The following PSTPIP2 variants were observed in gnomAD, a reference collection of about 807,000 sequenced individuals.
PSTPIP2 encodes proline-serine-threonine phosphatase-interacting protein 2.
Under a neutral mutation model 63.3 loss-of-function variants are expected in PSTPIP2, and 33 were observed. That is an observed-to-expected ratio of 0.52 (90% CI 0.40 to 0.70). The LOEUF (loss-of-function observed/expected upper bound fraction) is 0.70, where lower values mean the gene tolerates loss of function less well. PSTPIP2 is among the 30% of genes least tolerant of loss of function. The pLI is 0.00. For missense variants in PSTPIP2, 312 were observed against 400.7 expected, an observed-to-expected ratio of 0.78 and a Z score of 1.89; for synonymous variants, 125 against 132.7, an observed-to-expected ratio of 0.94 and a Z score of 0.40.
chr18:46,014,371 T>A (rs1160671386), intron 4 of PSTPIP2, among the ~76,000 whole-genome samples: 1 of 151,454 alleles, frequency 6.6e-6, no homozygotes, highest in African/African-American at 2.4e-5. Context: ...AAGAAAAGAA[T>A]AAATAAATAA....
intron 5 of PSTPIP2, among the ~76,000 whole-genome samples, chr18:46,005,805 G>A (rs1228626992): frequency 6.6e-6 from 1 of 152,174 alleles, no homozygotes; most frequent in East Asian, 1.9e-4. Context: ...AGTCTCTTCA[G>A]TAAAATCTGG....
At chr18:46,039,733 G>A (rs566877448) in intron 2 of PSTPIP2, among the ~76,000 whole-genome samples, 19 of 151,962 alleles carry the variant, frequency 1.3e-4, no homozygotes, top group Admixed American at 2.0e-4. Flanking sequence ...ACTATAATTC[G>A]TTCGCAGTTT....
At chr18:46,021,840 C>A (rs1907366787) in intron 3 of PSTPIP2, among the ~76,000 whole-genome samples, 1 of 99,744 alleles carries the variant, frequency 1.0e-5, no homozygotes, top group African/African-American at 4.5e-5. Context: ...CAAAGCGAGA[C>A]TCTGTCTCAA....
At chr18:46,022,605 A>G (rs1198299148) in intron 3 of PSTPIP2, among the ~76,000 whole-genome samples, 1 of 152,124 alleles carries the variant, frequency 6.6e-6, no homozygotes, top group African/African-American at 2.4e-5. Flanking sequence ...CTTGTTTATA[A>G]ATTATTAAAA....
chr18:46,069,579 C>A (rs1313492038), intron 1 of PSTPIP2, among the ~76,000 whole-genome samples: 1 of 152,140 alleles, frequency 6.6e-6, no homozygotes, highest in East Asian at 1.9e-4. Context: ...AGCTCCAAGC[C>A]CAGTTTTAAA....
At chr18:46,036,258 T>C (rs1447659684) in intron 2 of PSTPIP2, among the ~76,000 whole-genome samples, 6 of 147,836 alleles carry the variant, frequency 4.1e-5, no homozygotes, top group African/African-American at 1.5e-4. Context: ...ATTGTAACAA[T>C]TAATTGTTAA....
chr18:46,041,748 A>G (rs1416234827), intron 1 of PSTPIP2, among the ~76,000 whole-genome samples: 1 of 152,146 alleles, frequency 6.6e-6, no homozygotes, highest in East Asian at 1.9e-4. Context: ...CTACCCCTGA[A>G]TGCATACAAT....
At chr18:46,067,624 G>A (rs1424238194) in intron 1 of PSTPIP2, among the ~76,000 whole-genome samples, 1 of 152,162 alleles carries the variant, frequency 6.6e-6, no homozygotes, top group Non-Finnish European at 1.5e-5. Context: ...AAGTAGCTGG[G>A]TCTCTGCCAA....
chr18:45,999,529 C>T lies in PSTPIP2; in HGVS notation c.423G>A (p.Lys141=). 6.2e-7 allele frequency: 1 copy of T among 1,614,162 alleles called. No individual in the cohort carries two copies. The highest frequency in any genetic ancestry group is 8.5e-7 in the Non-Finnish European group (1 of 1,180,018). ...SLQFKKTMDA[K]KNYEQKCRDK... ...CCCGGCATTTCTGCTCATAGTTCTTCTTTGCCTTTGTCATTATGAACAAAG... is the reference window on the plus strand; with the variant it reads ...CCCGGCATTTCTGCTCATAGTTCTTTTTTGCCTTTGTCATTATGAACAAAG... The change falls in exon 7 of 15, where the codon AAG becomes AAA. Residue 141 remains lysine, a synonymous_variant. Transcript: ENST00000409746.
At position 46,024,701 on chromosome 18, in the gene PSTPIP2, G is replaced by A; in HGVS notation, c.135-15C>T. On this transcript the variant is annotated splice_polypyrimidine_tract_variant and intron_variant, in intron 2 of 14. Transcript: ENST00000409746. Reference sequence around the variant, plus strand: ...CAATTGCTGCCCTAGGGGAACAGAAGAGAGGGTTATGGGTCCTTCTCAGAG... The same window carrying A: ...CAATTGCTGCCCTAGGGGAACAGAAAAGAGGGTTATGGGTCCTTCTCAGAG... 1 of 1,607,454 alleles carries A rather than the reference G, an allele frequency of 6.2e-7. No individual in the cohort carries two copies.
intron 5 of PSTPIP2, among the ~76,000 whole-genome samples, chr18:46,010,460 C>A (rs674457): frequency 3.9e-5 from 6 of 151,912 alleles, no homozygotes; most frequent in African/African-American, 1.5e-4. Flanking sequence ...AAAAAATTCT[C>A]TAAGGACCCT....
intron 2 of PSTPIP2, among the ~76,000 whole-genome samples, chr18:46,038,142 C>A (rs534866206): frequency 1.3e-5 from 2 of 152,274 alleles, no homozygotes; most frequent in South Asian, 4.1e-4. Context: ...CTCACTGCAA[C>A]CTTGAACTCC....
chr18:46,041,843 G>A (rs928067937), intron 1 of PSTPIP2, among the ~76,000 whole-genome samples: 3 of 152,190 alleles, frequency 2.0e-5, no homozygotes, highest in Admixed American at 6.5e-5. Flanking sequence ...ACTCATCCAC[G>A]CCATCCCAGC....
At chr18:46,008,261 C>T (rs1015316415) in intron 5 of PSTPIP2, among the ~76,000 whole-genome samples, 2 of 152,038 alleles carry the variant, frequency 1.3e-5, no homozygotes, top group South Asian at 2.1e-4. Context: ...ATTGGAATAG[C>T]TGCTTCATGG....
chr18:46,002,781 C>CA (rs554109865), intron 6 of PSTPIP2, among the ~76,000 whole-genome samples: 1 of 60,304 alleles, frequency 1.7e-5, no homozygotes, highest in African/African-American at 4.2e-5. Flanking sequence ...CATTGTGAGA[C>CA]CCCCCCATCT....
intron 1 of PSTPIP2, among the ~76,000 whole-genome samples, chr18:46,051,405 G>GT (rs1273348597): frequency 5.3e-5 from 8 of 152,104 alleles, no homozygotes; most frequent in African/African-American, 1.9e-4. Context: ...AGCCCGGGAA[G>GT]TGGAGGTTGC....
At chr18:46,048,634 C>A (rs931987101) in intron 1 of PSTPIP2, among the ~76,000 whole-genome samples, 1 of 152,156 alleles carries the variant, frequency 6.6e-6, no homozygotes, top group African/African-American at 2.4e-5. Context: ...CAAATCAGGG[C>A]ACATTCTACA....
intron 2 of PSTPIP2, 34 bp downstream of exon 2, chr18:46,039,913 C>T (rs1438045063): frequency 6.4e-7 from 1 of 1,553,248 alleles, no homozygotes; most frequent in Non-Finnish European, 8.9e-7. Flanking sequence ...CATCTTGGCC[C>T]ACCCTCTTCA....
chr18:46,028,823 C>T, intron 2 of PSTPIP2: 7 of 1,539,612 alleles, frequency 4.5e-6, no homozygotes, highest in South Asian at 3.3e-5. Context: ...AAAACAACTT[C>T]AGATGATGAA....
Sources: gnomAD v4.1 joint callset for allele counts (sites outside exome capture counted in the v4.1 genomes callset) on GRCh38, gnomAD v4.1.1 for gene constraint, MANE v1.5 for transcripts, NCBI Gene and HGNC (gene_info 2026-07-23, HGNC 2026-07-21) for gene names.